The following DNAJC15 variants were observed in gnomAD, a reference collection of about 807,000 sequenced individuals.
DNAJC15 encodes the protein DnaJ heat shock protein family (Hsp40) member C15.
A neutral mutation model predicts 22.4 loss-of-function variants in DNAJC15; 27 were observed. That is an observed-to-expected ratio of 1.20 (90% CI 0.89 to 1.66). DNAJC15 has a LOEUF of 1.66. Among genes scored for constraint, DNAJC15 ranks in the 40% most tolerant of loss-of-function variants. The pLI is 0.00. For synonymous variants in DNAJC15, 79 were observed against 63.2 expected (o/e 1.25, Z -1.19); for missense variants, 208 against 187.1 (o/e 1.11, Z -0.65).
chr13:43,076,243 GTCCTTGA>G (rs1566211254), intron 3 of DNAJC15, among the ~76,000 whole-genome samples: 1 of 152,184 alleles, frequency 6.6e-6, no homozygotes, highest in Non-Finnish European at 1.5e-5. Context: ...ATGAAGGACA[GTCCTTGA>G]TCTCTCATTT....
chr13:43,073,936 C>G (rs1186932528), intron 3 of DNAJC15, among the ~76,000 whole-genome samples: 2 of 147,524 alleles, frequency 1.4e-5, no homozygotes, highest in African/African-American at 5.0e-5. Context: ...AAATTTTTTT[C>G]TGGGGGAGAA....
intron 1 of DNAJC15, among the ~76,000 whole-genome samples, chr13:43,033,744 C>T (rs2040414315): frequency 6.6e-6 from 1 of 151,942 alleles, no homozygotes; most frequent in Non-Finnish European, 1.5e-5. Flanking sequence ...AGGTGAAGTG[C>T]CAGGCTGGGT....
chr13:43,024,893 T>TAAG, intron 1 of DNAJC15, among the ~76,000 whole-genome samples: 1 of 85,954 alleles, frequency 1.2e-5, no homozygotes, highest in East Asian at 2.6e-4. Context: ...CCATCTCTGC[T>TAAG]AAAAAAAAAA....
chr13:43,053,750 G>T (rs2040516648), intron 1 of DNAJC15, among the ~76,000 whole-genome samples: 1 of 152,132 alleles, frequency 6.6e-6, no homozygotes, highest in South Asian at 2.1e-4. Flanking sequence ...CTACTGATTT[G>T]TGTACATTAA....
At chr13:43,035,124 A>G (rs1322581616) in intron 1 of DNAJC15, among the ~76,000 whole-genome samples, 1 of 152,162 alleles carries the variant, frequency 6.6e-6, no homozygotes, top group Non-Finnish European at 1.5e-5. Context: ...CAAGGACAGT[A>G]GAATTTTTCC....
intron 1 of DNAJC15, among the ~76,000 whole-genome samples, chr13:43,060,881 A>C (rs1326892100): frequency 6.6e-6 from 1 of 152,136 alleles, no homozygotes; most frequent in Non-Finnish European, 1.5e-5. Context: ...AAAGGCCTCT[A>C]CCCACCCAGT....
At chr13:43,038,270 A>G (rs2040437568) in intron 1 of DNAJC15, among the ~76,000 whole-genome samples, 1 of 152,250 alleles carries the variant, frequency 6.6e-6, no homozygotes. Context: ...TCCTAGCATC[A>G]GCCATCAGTT....
intron 1 of DNAJC15, among the ~76,000 whole-genome samples, chr13:43,043,793 G>A (rs1280650835): frequency 6.6e-6 from 1 of 152,156 alleles, no homozygotes; most frequent in East Asian, 1.9e-4. Flanking sequence ...AATGTAGTTA[G>A]CTTTGCCTTT....
intron 1 of DNAJC15, among the ~76,000 whole-genome samples, chr13:43,051,657 GTGTGTA>G (rs1039572520): frequency 4.3e-5 from 4 of 92,962 alleles, no homozygotes; most frequent in African/African-American, 1.5e-4. Context: ...GTGTGTGTGT[GTGTGTA>G]TATATATCAC....
chr13:43,074,582 T>A (rs575847803), intron 3 of DNAJC15, among the ~76,000 whole-genome samples: 2 of 152,314 alleles, frequency 1.3e-5, no homozygotes, highest in East Asian at 3.9e-4. Flanking sequence ...TATAATGCAA[T>A]GTGGGTATAT....
At position 43,085,758 on chromosome 13, in the gene DNAJC15, C is replaced by A; in HGVS notation, c.312-10C>A. On this transcript the variant is annotated splice_polypyrimidine_tract_variant and intron_variant, in intron 4 of 5. Coordinates refer to ENST00000379221, the MANE Select transcript of DNAJC15 (RefSeq NM_013238.3). ...CTATTTATTATAAGCACTGTAATTT[C>A]TTTTTACAGCCCATCTGCTGGCAAG... is the stretch of plus-strand genomic sequence containing the variant. The A allele has an allele frequency of 6.2e-7, 1 of 1,609,030 alleles. No homozygotes were observed.
At chr13:43,085,411 A>G (rs2040682970) in intron 4 of DNAJC15, among the ~76,000 whole-genome samples, 2 of 151,918 alleles carry the variant, frequency 1.3e-5, no homozygotes, top group Non-Finnish European at 2.9e-5. Context: ...GAATCCAAAT[A>G]CTTGTCTGCT....
chr13:43,034,891 A>C (rs980282959), intron 1 of DNAJC15, among the ~76,000 whole-genome samples: 1 of 152,042 alleles, frequency 6.6e-6, no homozygotes, highest in African/African-American at 2.4e-5. Flanking sequence ...AAAATCAGGC[A>C]TTTCTCCAAT....
rs1323608470 is a variant in DNAJC15, at chr13:43,112,856, CTT to C, written c.*5611_*5612del. On this transcript the variant is annotated 3_prime_UTR_variant, in exon 6 of 6. Transcript: ENST00000379221. ...AATCAGAATGAAGGGGCTTGTATGA[CTT>C]TTGGCTCATTTTTTGATGCATGTGA... is the stretch of plus-strand genomic sequence containing the variant. 3 of 152,120 alleles carry C rather than the reference CTT, an allele frequency of 2.0e-5. No homozygotes were observed. Among genetic ancestry groups the C allele is most frequent in the Non-Finnish European group, 4.4e-5 (3 of 68,034 alleles). The allele number at this position is 152,120 out of a possible 1,614,324, so 9.4% of individuals were successfully genotyped here. A position where few individuals can be genotyped will look rare whatever the true frequency, so the allele number is the denominator to read the frequency against.
chr13:43,039,648 C>CT (rs1411588137), intron 1 of DNAJC15, among the ~76,000 whole-genome samples: 1 of 152,128 alleles, frequency 6.6e-6, no homozygotes, highest in Non-Finnish European at 1.5e-5. Context: ...ATGATAAAAG[C>CT]TGTTGGTTGG....
intron 5 of DNAJC15, among the ~76,000 whole-genome samples, chr13:43,101,068 G>T (rs552179637): frequency 2.0e-5 from 3 of 152,222 alleles, no homozygotes; most frequent in African/African-American, 7.2e-5. Flanking sequence ...AGCCACTCTA[G>T]CTTTTCAGTG....
intron 5 of DNAJC15, among the ~76,000 whole-genome samples, chr13:43,102,637 ATT>A (rs1222235009): frequency 1.3e-5 from 2 of 152,026 alleles, no homozygotes; most frequent in African/African-American, 4.8e-5. Flanking sequence ...ATATATATTT[ATT>A]TTTTATTAAT....
chr13:43,081,500 A>G lies in DNAJC15; in HGVS notation c.311+2812A>G, dbSNP rs1315220236. On this transcript the variant is annotated intron_variant, in intron 4 of 5. Coordinates refer to ENST00000379221, the MANE Select transcript of DNAJC15 (RefSeq NM_013238.3). Reference sequence around the variant, plus strand: ...GTTGCCCAGGCTGGAGTACAGTGGCACGATCTCCCCTCACTGCAAGCTGCG... The same window carrying G: ...GTTGCCCAGGCTGGAGTACAGTGGCGCGATCTCCCCTCACTGCAAGCTGCG... Among the ~76,000 whole-genome samples, 4 of 151,746 alleles carry G rather than the reference A, an allele frequency of 2.6e-5. No homozygotes were observed. In the South Asian group the frequency reaches 6.3e-4, roughly 24 times the overall value.
intron 1 of DNAJC15, among the ~76,000 whole-genome samples, chr13:43,039,266 T>C (rs1273733823): frequency 1.3e-5 from 2 of 152,210 alleles, no homozygotes; most frequent in Non-Finnish European, 2.9e-5. Context: ...TTTTTTCAAC[T>C]CTATGATTCC....
Sources: allele counts gnomAD v4.1 joint callset (sites outside exome capture counted in the v4.1 genomes callset), GRCh38; gene constraint gnomAD v4.1.1; transcripts MANE v1.5; gene names NCBI Gene and HGNC (gene_info 2026-07-23, HGNC 2026-07-21).